The following CLSTN2 variants were observed in gnomAD, a reference collection of about 807,000 sequenced individuals.
CLSTN2 encodes calsyntenin 2, also known as calsyntenin-2.
A neutral mutation model predicts 101.2 loss-of-function variants in CLSTN2; 48 were observed. That is an observed-to-expected ratio of 0.47 (90% confidence interval 0.38 to 0.60). The LOEUF is 0.60. Among genes scored for constraint, CLSTN2 ranks in the 20% least tolerant of loss-of-function variants. The pLI, the probability that CLSTN2 is intolerant of heterozygous loss-of-function variation, is 0.00. For missense variants in CLSTN2, 1,160 were observed against 1,238.2 expected, an observed-to-expected ratio of 0.94 and a Z score of 0.95; for synonymous variants, 481 against 463.6, an observed-to-expected ratio of 1.04 and a Z score of -0.48.
intron 1 of CLSTN2, among the ~76,000 whole-genome samples, chr3:139,979,690 G>A (rs1198768178): frequency 1.3e-5 from 2 of 152,134 alleles, no homozygotes; most frequent in Admixed American, 1.3e-4. Flanking sequence ...AGATTTAGCT[G>A]TGTGCATGGG....
At chr3:140,440,484 T>C (rs1343973596) in intron 5 of CLSTN2, among the ~76,000 whole-genome samples, 1 of 152,198 alleles carries the variant, frequency 6.6e-6, no homozygotes, top group Non-Finnish European at 1.5e-5. Flanking sequence ...TAATTGTTTT[T>C]AATTGGAGAA....
At chr3:139,983,745 A>T (rs1935974566) in intron 1 of CLSTN2, among the ~76,000 whole-genome samples, 1 of 152,226 alleles carries the variant, frequency 6.6e-6, no homozygotes, top group Non-Finnish European at 1.5e-5. Flanking sequence ...CATTTAAAAA[A>T]ATCAACCTCC....
chr3:140,421,925 C>A (rs79990321), intron 5 of CLSTN2, among the ~76,000 whole-genome samples: 2 of 152,112 alleles, frequency 1.3e-5, no homozygotes, highest in Non-Finnish European at 2.9e-5. Context: ...ATGGACCTTA[C>A]AGAGATTTGA....
intron 1 of CLSTN2, among the ~76,000 whole-genome samples, chr3:140,162,594 G>A (rs1003455037): frequency 5.3e-5 from 8 of 152,090 alleles, no homozygotes; most frequent in African/African-American, 1.7e-4. Flanking sequence ...TAGGGTATTC[G>A]CTTGCAACTT....
At chr3:140,420,015 C>A (rs1379307301) in intron 4 of CLSTN2, among the ~76,000 whole-genome samples, 1 of 149,798 alleles carries the variant, frequency 6.7e-6, no homozygotes, top group African/African-American at 2.5e-5. Flanking sequence ...GCCTCAGCCT[C>A]CTGAGTAGCC....
intron 1 of CLSTN2, among the ~76,000 whole-genome samples, chr3:140,014,348 G>A (rs1409769593): frequency 6.6e-6 from 1 of 152,070 alleles, no homozygotes; most frequent in Non-Finnish European, 1.5e-5. Flanking sequence ...CTCTCCAGAA[G>A]CTGGAGAGTA....
chr3:140,022,735 C>T (rs999176981), intron 1 of CLSTN2, among the ~76,000 whole-genome samples: 3 of 152,164 alleles, frequency 2.0e-5, no homozygotes, highest in African/African-American at 4.8e-5. Context: ...GATAGACCCC[C>T]TTGCACAAGG....
intron 1 of CLSTN2, among the ~76,000 whole-genome samples, chr3:140,099,014 C>T (rs1332874722): frequency 1.3e-5 from 2 of 152,132 alleles, no homozygotes; most frequent in African/African-American, 2.4e-5. Flanking sequence ...AGGTGGAGAG[C>T]CTGGTGATGT....
rs887573681 is a variant in CLSTN2 at position 140,570,683 on chromosome 3, A to G, written c.*4430A>G. On this transcript the variant is annotated 3_prime_UTR_variant, in exon 17 of 17. Coordinates refer to ENST00000458420, the MANE Select transcript of CLSTN2 (RefSeq NM_022131.3). ...GGCAGTTTGGATTTATGTAATTTTC[A>G]TATCTTTTTTTACCCTTTTGATTTA... The G allele has an allele frequency of 6.6e-6, 1 of 151,950 alleles. No homozygotes were observed. The highest frequency in any genetic ancestry group is 1.5e-5 in the Non-Finnish European group (1 of 68,034). The allele number at this position is 151,950 out of a possible 1,614,324, so 9.4% of individuals were successfully genotyped here. A position where few individuals can be genotyped will look rare whatever the true frequency, so the allele number is the denominator to read the frequency against.
At chr3:140,162,505 C>T (rs1290097608) in intron 1 of CLSTN2, among the ~76,000 whole-genome samples, 1 of 152,046 alleles carries the variant, frequency 6.6e-6, no homozygotes, top group Non-Finnish European at 1.5e-5. Flanking sequence ...ACTGAGCAGG[C>T]AGGAATGCAG....
At chr3:140,407,093 A>G (rs2088312078) in intron 4 of CLSTN2, among the ~76,000 whole-genome samples, 1 of 152,206 alleles carries the variant, frequency 6.6e-6, no homozygotes, top group Non-Finnish European at 1.5e-5. Flanking sequence ...GGTGTACAGA[A>G]GCAGTCCTCC....
chr3:140,320,629 A>G (rs2087273899), intron 2 of CLSTN2, among the ~76,000 whole-genome samples: 1 of 151,814 alleles, frequency 6.6e-6, no homozygotes, highest in Non-Finnish European at 1.5e-5. Flanking sequence ...GGCAGGGGTC[A>G]ATACACATAT....
intron 1 of CLSTN2, among the ~76,000 whole-genome samples, chr3:140,028,178 G>A (rs897742479): frequency 3.9e-5 from 6 of 152,284 alleles, no homozygotes; most frequent in Admixed American, 2.6e-4. Context: ...CACATTGGGG[G>A]AATAGCAGCA....
chr3:140,445,871 G>A (rs1386294068), intron 5 of CLSTN2, among the ~76,000 whole-genome samples: 4 of 152,122 alleles, frequency 2.6e-5, no homozygotes, highest in African/African-American at 4.8e-5. Flanking sequence ...TGACTAGCAC[G>A]ATGAGGCCTC....
intron 9 of CLSTN2, among the ~76,000 whole-genome samples, chr3:140,536,583 T>C (rs1246452674): frequency 1.3e-5 from 2 of 152,128 alleles, no homozygotes; most frequent in Non-Finnish European, 2.9e-5. Context: ...AGACAGGTAT[T>C]GGAAGGTGGG....
intron 8 of CLSTN2, among the ~76,000 whole-genome samples, chr3:140,481,847 G>A (rs77463271): frequency 0.42 from 63,837 of 152,030 alleles, 15,360 homozygotes; most frequent in Middle Eastern, 0.59. Context: ...GGAGATTTTG[G>A]GCTGAGACGA....
rs1007539448 is a variant in CLSTN2 at position 140,251,498 on chromosome 3, T to C, written c.232+75425T>C. ...AAATGTTTCAGAAACTTTGAAGATA[T>C]TATCTTTAGCCTGGCATTTGATACC... On this transcript the variant is annotated intron_variant, in intron 2 of 16. Coordinates refer to ENST00000458420, the MANE Select transcript of CLSTN2 (RefSeq NM_022131.3). Among the ~76,000 whole-genome samples, 14 of 152,196 alleles carry C rather than the reference T, an allele frequency of 9.2e-5. 1 individual carries two copies. The highest frequency in any genetic ancestry group is 2.2e-4 in the African/African-American group (9 of 41,456).
chr3:140,117,007 C>T (rs770954400), intron 1 of CLSTN2, among the ~76,000 whole-genome samples: 16 of 152,138 alleles, frequency 1.1e-4, no homozygotes, highest in Non-Finnish European at 2.1e-4. Flanking sequence ...TCTGGAGCCC[C>T]CCTTTCCCCT....
At chr3:140,497,927 G>T (rs964587207) in intron 8 of CLSTN2, among the ~76,000 whole-genome samples, 1 of 152,128 alleles carries the variant, frequency 6.6e-6, no homozygotes, top group Admixed American at 6.5e-5. Context: ...CTTGGCTGGC[G>T]TTGGGGGTTC....
Sources: allele counts gnomAD v4.1 joint callset (sites outside exome capture counted in the v4.1 genomes callset), GRCh38; gene constraint gnomAD v4.1.1; transcripts MANE v1.5; gene names NCBI Gene and HGNC (gene_info 2026-07-23, HGNC 2026-07-21).